The following CFAP100 variants were observed in gnomAD, a reference collection of about 807,000 sequenced individuals.
The protein encoded by CFAP100 is cilia and flagella associated protein 100, also known as cilia- and flagella-associated protein 100.
Under a neutral mutation model 81.5 loss-of-function variants are expected in CFAP100, and 70 were observed. The observed-to-expected ratio is 0.86, with a 90% CI of 0.71 to 1.05. The LOEUF is 1.05. CFAP100 is among the 50% of genes least tolerant of loss of function. The pLI, the probability that CFAP100 is intolerant of heterozygous loss-of-function variation, is 0.00. For synonymous variants in CFAP100, 341 were observed against 314.8 expected, an observed-to-expected ratio of 1.08 and a Z score of -0.88; for missense variants, 811 against 776.5, an observed-to-expected ratio of 1.04 and a Z score of -0.53.
intron 3 of CFAP100, among the ~76,000 whole-genome samples, chr3:126,412,436 TACTC>T (rs747718163): frequency 5.2e-4 from 79 of 152,352 alleles, no homozygotes; most frequent in African/African-American, 1.7e-3. Flanking sequence ...TGGGGGCTGT[TACTC>T]AACCAAAGCA....
intron 3 of CFAP100, among the ~76,000 whole-genome samples, chr3:126,409,458 G>A (rs543869072): frequency 1.6e-4 from 24 of 152,254 alleles, no homozygotes; most frequent in African/African-American, 4.6e-4. Flanking sequence ...AAGCACTTGC[G>A]TCTCCTGGGT....
chr3:126,414,097 A>T lies in CFAP100; in HGVS notation c.143A>T (p.Asp48Val). 2.5e-6 allele frequency: 4 copies of T among 1,613,522 alleles called. No individual in the cohort carries two copies. The highest frequency in any genetic ancestry group is 3.4e-6 in the Non-Finnish European group (4 of 1,179,538). The change falls in exon 4 of 17, where the codon GAC becomes GTC. Residue 48 changes from aspartate to valine, a missense_variant. Transcript: ENST00000352312. ...TCTCCCTTTCCAGAACATGGTCCTG[A>T]CCCTTCAGCGAACCCTTTCCACTTA... is the stretch of plus-strand genomic sequence containing the variant. Reference protein sequence around the residue: ...QARKNEEHGPDPSANPFHLSG... With the variant: ...QARKNEEHGPVPSANPFHLSG...
intron 2 of CFAP100, among the ~76,000 whole-genome samples, chr3:126,400,424 T>G (rs2107583046): frequency 6.6e-6 from 1 of 152,184 alleles, no homozygotes; most frequent in South Asian, 2.1e-4. Flanking sequence ...TTTACATTGT[T>G]GGTGAAAGTG....
chr3:126,419,964 C>A lies in CFAP100; in HGVS notation c.914-16C>A, dbSNP rs565242404. The A allele has an allele frequency of 1.6e-5, 26 of 1,612,918 alleles. No homozygotes were observed. In the African/African-American group the frequency reaches 1.9e-4, roughly 12 times the overall value. On this transcript the variant is annotated splice_polypyrimidine_tract_variant and intron_variant, in intron 9 of 16. Coordinates refer to ENST00000352312, the MANE Select transcript of CFAP100 (RefSeq NM_182628.3). ...TGCAGCTGAGGCCATCGGGGCCCCC[C>A]CTTTGCTTCCTGCAGGACCAGGGAT...
At chr3:126,413,333 A>C (rs1055216476) in intron 3 of CFAP100, among the ~76,000 whole-genome samples, 2 of 152,124 alleles carry the variant, frequency 1.3e-5, no homozygotes, top group Non-Finnish European at 2.9e-5. Flanking sequence ...GTGACACCAG[A>C]GTCACCCTCC....
chr3:126,435,425 AC>A, intron 15 of CFAP100, 133 bp from the exon 16 acceptor site: 3 of 663,944 alleles, frequency 4.5e-6, no homozygotes, highest in Non-Finnish European at 7.7e-6. Flanking sequence ...TGAGAACTTG[AC>A]CTGGCAAAAG....
intron 15 of CFAP100, among the ~76,000 whole-genome samples, chr3:126,434,809 C>CT (rs930984339): frequency 2.6e-5 from 4 of 152,158 alleles, no homozygotes; most frequent in African/African-American, 9.7e-5. Flanking sequence ...GCAAGGGCAG[C>CT]TGCCAGCACC....
intron 2 of CFAP100, among the ~76,000 whole-genome samples, chr3:126,399,328 T>C (rs1050983614): frequency 6.6e-6 from 1 of 151,962 alleles, no homozygotes; most frequent in African/African-American, 2.4e-5. Context: ...CCCTCTAAGA[T>C]CAAGAGCAAA....
chr3:126,404,677 ATG>A (rs2083035760), intron 2 of CFAP100, among the ~76,000 whole-genome samples: 1 of 152,076 alleles, frequency 6.6e-6, no homozygotes, highest in Non-Finnish European at 1.5e-5. Flanking sequence ...AGCAGGGAAA[ATG>A]AGGTTTTTTT....
chr3:126,429,399 CT>C (rs1933097915), intron 13 of CFAP100, among the ~76,000 whole-genome samples: 1 of 152,002 alleles, frequency 6.6e-6, no homozygotes, highest in Non-Finnish European at 1.5e-5. Context: ...TCTTTAATTT[CT>C]GATTTTATGT....
intron 13 of CFAP100, among the ~76,000 whole-genome samples, chr3:126,428,974 T>C (rs904554740): frequency 2.0e-5 from 3 of 151,742 alleles, no homozygotes; most frequent in African/African-American, 7.3e-5. Context: ...CCAGGTGTGG[T>C]TGTGCATGCC....
chr3:126,399,977 C>T (rs552311414), intron 2 of CFAP100, among the ~76,000 whole-genome samples: 4 of 152,220 alleles, frequency 2.6e-5, no homozygotes, highest in African/African-American at 9.6e-5. Flanking sequence ...TCTGAGGGGC[C>T]GGCTCAGCGG....
chr3:126,419,106 G>C lies in CFAP100; in HGVS notation c.681G>C (p.Glu227Asp). 2 of 1,580,930 alleles carry C rather than the reference G, an allele frequency of 1.3e-6. No homozygotes were observed. Among genetic ancestry groups the C allele is most frequent in the Non-Finnish European group, 1.7e-6 (2 of 1,161,648 alleles). Reference protein sequence around the residue: ...AAEKETKAKIEKILEIRDLTT... With the variant: ...AAEKETKAKIDKILEIRDLTT... ...AGAAGGAGACCAAAGCCAAGATAGA[G>C]AAGATCCTTGAGATCCGGGACCTCA... The change falls in exon 8 of 17, where the codon GAG becomes GAC. Residue 227 changes from glutamate to aspartate, a missense_variant. Physicochemically the swap from Glu to Asp is conservative, Grantham distance 45. Transcript: ENST00000352312.
At chr3:126,422,385 C>T (rs567644486) in intron 11 of CFAP100, among the ~76,000 whole-genome samples, 1 of 152,352 alleles carries the variant, frequency 6.6e-6, no homozygotes, top group South Asian at 2.1e-4. Flanking sequence ...CTGTCAGAGT[C>T]CCACAGGACC....
intron 8 of CFAP100, 48 bp from the exon 9 acceptor site, chr3:126,419,589 C>T: frequency 6.4e-7 from 1 of 1,569,226 alleles, no homozygotes; most frequent in Non-Finnish European, 8.7e-7. Flanking sequence ...CTCGCTGTGG[C>T]AGAGGCTGAC....
chr3:126,410,623 C>T (rs1010566080), intron 3 of CFAP100, among the ~76,000 whole-genome samples: 1 of 152,138 alleles, frequency 6.6e-6, no homozygotes, highest in Non-Finnish European at 1.5e-5. Flanking sequence ...CACTCAGCCT[C>T]CCAAAGTGCT....
At chr3:126,407,090 C>T in intron 2 of CFAP100, 82 bp from the exon 3 acceptor site, 1 of 918,312 alleles carries the variant, frequency 1.1e-6, no homozygotes, top group Non-Finnish European at 1.7e-6. Context: ...GTGTCTGAGA[C>T]ATTCCCCGCC....
At chr3:126,424,031 A>C (rs1277944146) in intron 13 of CFAP100, among the ~76,000 whole-genome samples, 1 of 152,246 alleles carries the variant, frequency 6.6e-6, no homozygotes, top group Non-Finnish European at 1.5e-5. Flanking sequence ...AGGCACCGAA[A>C]GCAGTCATTT....
At chr3:126,407,437 C>G (rs889441275) in intron 3 of CFAP100, among the ~76,000 whole-genome samples, 185 bp downstream of exon 3, 1 of 152,186 alleles carries the variant, frequency 6.6e-6, no homozygotes, top group Non-Finnish European at 1.5e-5. Flanking sequence ...ATTGCTCCCT[C>G]TGTTAATGAG....
Sources: gnomAD v4.1 joint callset for allele counts (sites outside exome capture counted in the v4.1 genomes callset) on GRCh38, gnomAD v4.1.1 for gene constraint, MANE v1.5 for transcripts, NCBI Gene and HGNC (gene_info 2026-07-23, HGNC 2026-07-21) for gene names.